Variants in ADISSP observed in about 807,000 individuals in gnomAD.
ADISSP encodes adipose secreted signaling protein.
chr20:3,755,372 C>G, the ADISSP span: 4 of 1,204,624 alleles, frequency 3.3e-6, no homozygotes, highest in South Asian at 5.1e-5. Flanking sequence ...ACATCCCCGA[C>G]TTGCTGAGCT....
chr20:3,767,649 AG>A, the ADISSP span: 1 of 155,006 alleles, frequency 6.5e-6, no homozygotes, highest in Non-Finnish European at 1.4e-5. Context: ...CAGGGAGCAG[AG>A]GGGTGGCCTC....
chr20:3,759,828 G>A, the ADISSP span, among the ~76,000 whole-genome samples: 56 of 151,804 alleles, frequency 3.7e-4, no homozygotes, highest in South Asian at 6.0e-3. The surrounding 1 kb of genome is among the most constrained non-coding windows in gnomAD (Gnocchi z 4.6). Flanking sequence ...AGGGACACAA[G>A]AGCACACACC....
the ADISSP span, chr20:3,754,150 G>A: frequency 6.2e-7 from 1 of 1,611,232 alleles, no homozygotes; most frequent in Non-Finnish European, 8.5e-7. Context: ...GGCGTGCCGT[G>A]GTGCCGGTCT....
chr20:3,764,506 G>A, the ADISSP span, among the ~76,000 whole-genome samples: 14 of 152,140 alleles, frequency 9.2e-5, no homozygotes, highest in South Asian at 2.1e-4. Flanking sequence ...CCACACCTTC[G>A]ACAGGGTCTC....
the ADISSP span, among the ~76,000 whole-genome samples, chr20:3,766,123 A>G: frequency 6.6e-6 from 1 of 151,612 alleles, no homozygotes; most frequent in Admixed American, 6.6e-5. Context: ...TTCCTCTCCT[A>G]CCCCAGCCTG....
the ADISSP span, among the ~76,000 whole-genome samples, chr20:3,765,765 G>A: frequency 6.6e-6 from 1 of 152,034 alleles, no homozygotes; most frequent in Non-Finnish European, 1.5e-5. Context: ...CCCTAGGGAG[G>A]GTCAGAGAAC....
the ADISSP span, among the ~76,000 whole-genome samples, chr20:3,757,474 A>G: frequency 6.6e-6 from 1 of 152,150 alleles, no homozygotes; most frequent in Non-Finnish European, 1.5e-5. Flanking sequence ...TCTCATGTCT[A>G]TTAAGACATG....
At chr20:3,757,873 AC>A in the ADISSP span, among the ~76,000 whole-genome samples, 4 of 151,360 alleles carry the variant, frequency 2.6e-5, no homozygotes, top group African/African-American at 7.3e-5. Context: ...AGCGCAGCAG[AC>A]CCCCCACTCA....
At chr20:3,766,695 A>C in the ADISSP span, among the ~76,000 whole-genome samples, 2 of 152,178 alleles carry the variant, frequency 1.3e-5, no homozygotes, top group Non-Finnish European at 2.9e-5. Context: ...ACACAGGATT[A>C]TCTCCCAGGG....
At chr20:3,760,918 G>A in the ADISSP span, among the ~76,000 whole-genome samples, 1 of 152,320 alleles carries the variant, frequency 6.6e-6, no homozygotes, top group African/African-American at 2.4e-5. Flanking sequence ...GAGTGCAACT[G>A]ATGGAAACAG....
chr20:3,759,536 G>A, the ADISSP span, among the ~76,000 whole-genome samples: 2 of 152,010 alleles, frequency 1.3e-5, no homozygotes, highest in Admixed American at 1.3e-4. The surrounding 1 kb of genome is among the most constrained non-coding windows in gnomAD (Gnocchi z 4.6). Flanking sequence ...CAAGAGCCCT[G>A]CCCAGGGTCC....
chr20:3,753,926 G>A, the ADISSP span: 2 of 673,084 alleles, frequency 3.0e-6, no homozygotes, highest in South Asian at 3.4e-5. Context: ...GAGGTGAGAG[G>A]CGTGGGCAAG....
the ADISSP span, among the ~76,000 whole-genome samples, chr20:3,758,290 A>G: frequency 5.8e-3 from 889 of 152,252 alleles, 11 homozygotes; most frequent in African/African-American, 0.02. The surrounding 1 kb of genome is among the most constrained non-coding windows in gnomAD (Gnocchi z 5.5). Flanking sequence ...ACTGCCTTCC[A>G]TTGCTATTGT....
the ADISSP span, among the ~76,000 whole-genome samples, chr20:3,758,873 A>G: frequency 1.3e-5 from 2 of 152,280 alleles, no homozygotes; most frequent in South Asian, 2.1e-4. This position sits in a 1 kb window ranked among gnomAD's most constrained non-coding sequence, Gnocchi z 5.5. Flanking sequence ...CCCTCCCACA[A>G]AAATCCATCC....
the ADISSP span, among the ~76,000 whole-genome samples, chr20:3,760,622 G>A: frequency 6.6e-6 from 1 of 152,266 alleles, no homozygotes; most frequent in Non-Finnish European, 1.5e-5. Context: ...GCTGGGTGCG[G>A]TCAGAGGCAA....
the ADISSP span, among the ~76,000 whole-genome samples, chr20:3,760,550 G>A: frequency 6.6e-6 from 1 of 151,500 alleles, no homozygotes; most frequent in African/African-American, 2.4e-5. Context: ...GACCAGTTCT[G>A]GTGCTGCTGA....
the ADISSP span, chr20:3,754,396 C>A: frequency 6.2e-7 from 1 of 1,606,692 alleles, no homozygotes; most frequent in Non-Finnish European, 8.5e-7. Flanking sequence ...CACGCTCTCA[C>A]CCATGACGCG....
the ADISSP span, chr20:3,768,195 G>C: frequency 3.3e-5 from 5 of 152,500 alleles, no homozygotes; most frequent in Admixed American, 3.3e-4. Flanking sequence ...GGGCTTCCAC[G>C]CCGGCTTCGG....
chr20:3,765,727 C>G, the ADISSP span, among the ~76,000 whole-genome samples: 1 of 152,142 alleles, frequency 6.6e-6, no homozygotes, highest in Non-Finnish European at 1.5e-5. Context: ...CCTGCCTCCC[C>G]CTTCTCCCAC....
Sources: gnomAD v4.1 joint callset for allele counts (sites outside exome capture counted in the v4.1 genomes callset) on GRCh38, gnomAD v4.1.1 for gene constraint, Gnocchi (gnomAD v3.1) non-coding constraint, MANE v1.5 for transcripts, NCBI Gene and HGNC (gene_info 2026-07-23, HGNC 2026-07-21) for gene names.